The following GMDS variants were observed in gnomAD, a reference collection of about 807,000 sequenced individuals.
The protein encoded by GMDS is GDP-mannose 4,6-dehydratase.
In GMDS, 20 loss-of-function variants were observed where a neutral mutation model predicts 49.9. The observed-to-expected ratio is 0.40, with a 90% confidence interval of 0.28 to 0.58. The LOEUF is 0.58. Among genes scored for constraint, GMDS ranks in the 20% least tolerant of loss-of-function variants. The pLI, the probability that GMDS is intolerant of heterozygous loss-of-function variation, is 0.42. For missense variants in GMDS, 362 were observed against 481.4 expected (o/e 0.75, Z 2.32); for synonymous variants, 177 against 178.6 (o/e 0.99, Z 0.07).
At chr6:1,762,866 G>A (rs1008939832) in intron 7 of GMDS, among the ~76,000 whole-genome samples, 1 of 152,096 alleles carries the variant, frequency 6.6e-6, no homozygotes, top group South Asian at 2.1e-4. Flanking sequence ...TCTTTGCTTC[G>A]AGACATTAGG....
intron 4 of GMDS, among the ~76,000 whole-genome samples, chr6:1,971,980 T>C (rs1009565332): frequency 1.3e-5 from 2 of 152,128 alleles, no homozygotes; most frequent in Admixed American, 1.3e-4. Flanking sequence ...CTCTTCTGAC[T>C]TACTCCAAAA....
At chr6:2,241,979 C>G (rs768500019) in intron 1 of GMDS, among the ~76,000 whole-genome samples, 27 of 152,190 alleles carry the variant, frequency 1.8e-4, no homozygotes, top group Non-Finnish European at 3.1e-4. Context: ...TGAAACCCCA[C>G]TAGATGAAGG....
At chr6:2,070,274 G>C (rs1365863550) in intron 4 of GMDS, among the ~76,000 whole-genome samples, 3 of 123,902 alleles carry the variant, frequency 2.4e-5, no homozygotes, top group African/African-American at 6.1e-5. Context: ...GTTGTGGGGT[G>C]GGGGGAGGGG....
intron 1 of GMDS, among the ~76,000 whole-genome samples, chr6:2,231,762 C>T (rs1338965049): frequency 2.0e-5 from 3 of 152,090 alleles, no homozygotes; most frequent in Non-Finnish European, 4.4e-5. Context: ...CATTCAGTTC[C>T]ACTCTAGATC....
At chr6:1,755,507 AG>A (rs780663721) in intron 7 of GMDS, among the ~76,000 whole-genome samples, 13 of 151,590 alleles carry the variant, frequency 8.6e-5, no homozygotes, top group South Asian at 2.1e-4. Context: ...CTTTCTTCAT[AG>A]AATTAGAAAA....
At position 1,948,897 on chromosome 6, in the gene GMDS, C is replaced by A. The variant is rs563087132; in HGVS notation, c.643+10970G>T. ...TGCAATTCACGGGTGTCTCGCCGAA[C>A]TACTCTGTTTTATCTGTCAACACCA... On this transcript the variant is annotated intron_variant, in intron 6 of 10. Transcript: ENST00000380815. 4.6e-5 allele frequency among the ~76,000 whole-genome samples: 7 copies of A among 152,272 alleles called. No homozygotes were observed. In the South Asian group the frequency reaches 1.5e-3, roughly 32 times the overall value.
At chr6:1,679,292 A>G (rs1962132) in intron 9 of GMDS, 134,806 of 152,316 alleles carry the variant, frequency 0.89, 59,878 homozygotes, top group Middle Eastern at 0.95. Context: ...TTCTACTGAA[A>G]TATATGAATT....
At chr6:1,837,423 A>T (rs982334134) in intron 7 of GMDS, among the ~76,000 whole-genome samples, 1 of 152,204 alleles carries the variant, frequency 6.6e-6, no homozygotes, top group Non-Finnish European at 1.5e-5. Context: ...CTCAGGATTT[A>T]GATTCCATGA....
At chr6:1,735,480 G>T (rs1442166246) in intron 8 of GMDS, among the ~76,000 whole-genome samples, 1 of 152,334 alleles carries the variant, frequency 6.6e-6, no homozygotes, top group South Asian at 2.1e-4. Flanking sequence ...TTGGTCAGAG[G>T]GAGGATGCCT....
chr6:1,807,762 T>C (rs186770421), intron 7 of GMDS, among the ~76,000 whole-genome samples: 3 of 152,284 alleles, frequency 2.0e-5, no homozygotes, highest in South Asian at 2.1e-4. Flanking sequence ...CAGTGGATCA[T>C]AGAGGTAAAT....
chr6:1,650,282 C>G (rs757368044), intron 9 of GMDS, among the ~76,000 whole-genome samples: 7 of 152,028 alleles, frequency 4.6e-5, no homozygotes, highest in Non-Finnish European at 8.8e-5. Context: ...TCTGACAGCT[C>G]TCTTTTGATC....
intron 1 of GMDS, among the ~76,000 whole-genome samples, chr6:2,184,412 C>T (rs141181742): frequency 5.9e-5 from 9 of 152,162 alleles, no homozygotes; most frequent in African/African-American, 1.9e-4. Context: ...CCTCTCTTAA[C>T]GATTCTCTTC....
At chr6:1,810,995 T>C (rs1242892375) in intron 7 of GMDS, among the ~76,000 whole-genome samples, 2 of 152,190 alleles carry the variant, frequency 1.3e-5, no homozygotes, top group Admixed American at 6.5e-5. Context: ...TAGTTTTTTT[T>C]TTCCCTCTCC....
At chr6:1,672,873 C>T (rs1391070166) in intron 9 of GMDS, among the ~76,000 whole-genome samples, 1 of 152,204 alleles carries the variant, frequency 6.6e-6, no homozygotes, top group Non-Finnish European at 1.5e-5. Context: ...GGAGATGTCA[C>T]AGGGCTGGAA....
At chr6:2,130,922 T>C (rs1312311187) in intron 1 of GMDS, among the ~76,000 whole-genome samples, 1 of 152,186 alleles carries the variant, frequency 6.6e-6, no homozygotes, top group African/African-American at 2.4e-5. Context: ...TTGGTGTTTG[T>C]GGCCTTAATT....
chr6:2,217,080 G>T (rs551499542), intron 1 of GMDS, among the ~76,000 whole-genome samples: 1 of 152,108 alleles, frequency 6.6e-6, no homozygotes, highest in Non-Finnish European at 1.5e-5. Context: ...ACGTGGACTC[G>T]AGCTGGCTCT....
intron 7 of GMDS, among the ~76,000 whole-genome samples, chr6:1,793,409 T>C (rs1449296609): frequency 6.6e-6 from 1 of 152,194 alleles, no homozygotes; most frequent in Admixed American, 6.5e-5. Flanking sequence ...CATTTCCCCT[T>C]AAAGTAGGCC....
chr6:1,917,760 G>A (rs184305776), intron 7 of GMDS, among the ~76,000 whole-genome samples: 66 of 152,330 alleles, frequency 4.3e-4, no homozygotes, highest in African/African-American at 1.6e-3. Context: ...AATGCCCCGA[G>A]AGGCAGGATG....
At chr6:1,842,193 C>G (rs1442144651) in intron 7 of GMDS, among the ~76,000 whole-genome samples, 1 of 152,206 alleles carries the variant, frequency 6.6e-6, no homozygotes, top group Non-Finnish European at 1.5e-5. Context: ...CAAAACCCAG[C>G]ACAAAAATCC....
Sources: allele counts gnomAD v4.1 joint callset (sites outside exome capture counted in the v4.1 genomes callset), GRCh38; gene constraint gnomAD v4.1.1; transcripts MANE v1.5; gene names NCBI Gene and HGNC (gene_info 2026-07-23, HGNC 2026-07-21).